Variants in PTPRT observed in about 807,000 individuals in gnomAD.
PTPRT encodes protein tyrosine phosphatase receptor type T, also known as receptor-type tyrosine-protein phosphatase T.
PTPRT carries 56 observed loss-of-function variants against 176.8 expected under a neutral mutation model. The ratio of observed to expected loss-of-function variants is 0.32; its 90% confidence interval spans 0.26 to 0.40. The LOEUF (loss-of-function observed/expected upper bound fraction) is 0.40. PTPRT is among the 10% of genes least tolerant of loss of function. The pLI, the probability that PTPRT is intolerant of heterozygous loss-of-function variation, is 1.00. For synonymous variants in PTPRT, 783 were observed against 739.0 expected (o/e 1.06, Z -0.96); for missense variants, 1,540 against 1,908.2 (o/e 0.81, Z 3.60).
chr20:42,320,706 C>T (rs2057788381), intron 11 of PTPRT, among the ~76,000 whole-genome samples: 1 of 152,100 alleles, frequency 6.6e-6, no homozygotes, highest in African/African-American at 2.4e-5. Flanking sequence ...CAGGCAAAGT[C>T]CCAGTCTTAG....
chr20:42,556,862 A>G (rs983141359), intron 7 of PTPRT, among the ~76,000 whole-genome samples: 2 of 152,154 alleles, frequency 1.3e-5, no homozygotes, highest in South Asian at 2.1e-4. Context: ...GCCAGATTCA[A>G]TGTTCATGAG....
intron 18 of PTPRT, among the ~76,000 whole-genome samples, chr20:42,136,380 G>A (rs1423511690): frequency 6.6e-6 from 1 of 151,930 alleles, no homozygotes; most frequent in Non-Finnish European, 1.5e-5. Flanking sequence ...AGGTAATTCT[G>A]CTGAGACTGC....
intron 3 of PTPRT, among the ~76,000 whole-genome samples, chr20:42,780,751 T>C (rs2077202584): frequency 6.6e-6 from 1 of 152,168 alleles, no homozygotes; most frequent in Non-Finnish European, 1.5e-5. Flanking sequence ...TGATTCTACA[T>C]TGCCAAGGAA....
intron 2 of PTPRT, among the ~76,000 whole-genome samples, chr20:42,821,508 G>A (rs996069645): frequency 1.3e-5 from 2 of 152,126 alleles, no homozygotes; most frequent in African/African-American, 4.8e-5. Context: ...GTACAGACAA[G>A]GATGCCTCCT....
chr20:42,155,876 G>A (rs1989328519), intron 17 of PTPRT, among the ~76,000 whole-genome samples: 1 of 152,170 alleles, frequency 6.6e-6, no homozygotes, highest in African/African-American at 2.4e-5. Flanking sequence ...GATCTAAAAT[G>A]CAAATCTACT....
At position 42,113,809 on chromosome 20, in the gene PTPRT, T is replaced by C. The variant is rs142899758; in HGVS notation, c.3099+1390A>G. ...CTAAAAAACCTGACCTAAGGCAACATTGAAGTACCGATGGTTTCCTTCCTC... is the reference window on the plus strand; with the variant it reads ...CTAAAAAACCTGACCTAAGGCAACACTGAAGTACCGATGGTTTCCTTCCTC... On this transcript the variant is annotated intron_variant, in intron 22 of 30. Transcript: ENST00000373187. Among the ~76,000 whole-genome samples, 53 of 152,360 alleles carry C rather than the reference T, an allele frequency of 3.5e-4. 1 individual carries two copies. The highest frequency in any genetic ancestry group is 1.2e-3 in the African/African-American group (48 of 41,592).
intron 1 of PTPRT, among the ~76,000 whole-genome samples, chr20:42,937,722 A>T (rs1314363080): frequency 1.3e-5 from 2 of 152,218 alleles, no homozygotes; most frequent in Admixed American, 6.5e-5. Context: ...ATACTCTGTG[A>T]ATCACACTTG....
chr20:42,654,559 T>A (rs1466884260), intron 7 of PTPRT, among the ~76,000 whole-genome samples: 1 of 151,908 alleles, frequency 6.6e-6, no homozygotes, highest in Non-Finnish European at 1.5e-5. Flanking sequence ...AGCGAAAGAG[T>A]TATCTCTTTG....
intron 1 of PTPRT, among the ~76,000 whole-genome samples, chr20:43,062,516 C>T (rs1987509878): frequency 6.6e-6 from 1 of 152,224 alleles, no homozygotes; most frequent in Non-Finnish European, 1.5e-5. Flanking sequence ...CTCTACTTCA[C>T]TTCGCTGGGA....
intron 1 of PTPRT, among the ~76,000 whole-genome samples, chr20:43,151,656 G>A (rs2014359025): frequency 6.6e-6 from 1 of 152,032 alleles, no homozygotes; most frequent in Non-Finnish European, 1.5e-5. Context: ...GAGGTCAGGA[G>A]TTTGAGACCA....
At chr20:42,201,750 A>C (rs1047558089) in intron 15 of PTPRT, among the ~76,000 whole-genome samples, 1 of 151,704 alleles carries the variant, frequency 6.6e-6, no homozygotes, top group African/African-American at 2.4e-5. Flanking sequence ...AAAAAAAAAA[A>C]AAAATGCCCT....
chr20:42,732,584 G>A (rs779299027), intron 6 of PTPRT, among the ~76,000 whole-genome samples: 4 of 152,248 alleles, frequency 2.6e-5, no homozygotes, highest in Non-Finnish European at 4.4e-5. Context: ...GAAGGGGCAG[G>A]CATAGAACAA....
intron 2 of PTPRT, among the ~76,000 whole-genome samples, chr20:42,815,578 A>G (rs1039670413): frequency 1.7e-4 from 26 of 152,234 alleles, no homozygotes; most frequent in African/African-American, 6.3e-4. Context: ...AGGTTCATCC[A>G]AGCCTGATAT....
rs5841476 is a variant in PTPRT, at chr20:42,867,683, CTTTTTT to C, written c.214+18118_214+18123del. 1.8e-3 allele frequency among the ~76,000 whole-genome samples: 209 copies of C among 113,398 alleles called. 1 individual carries two copies. The highest frequency in any genetic ancestry group is 7.4e-3 in the African/African-American group (203 of 27,432). 74.4% of individuals were successfully genotyped at this position (113,398 alleles called of 152,430 possible). On this transcript the variant is annotated intron_variant, in intron 2 of 30. Coordinates refer to ENST00000373187, the MANE Select transcript of PTPRT (RefSeq NM_007050.6). ...ATAAATTTAAAAATTTACATATGGC[CTTTTTT>C]TTTTTTTTTTTTGTGACAGAGTCAC... is the stretch of plus-strand genomic sequence containing the variant.
intron 15 of PTPRT, among the ~76,000 whole-genome samples, chr20:42,232,657 C>A (rs543917952): frequency 7.0e-6 from 1 of 141,898 alleles, no homozygotes; most frequent in Admixed American, 6.7e-5. Flanking sequence ...GTTCCCTGTC[C>A]CCAAACACCT....
intron 3 of PTPRT, among the ~76,000 whole-genome samples, chr20:42,789,066 G>A (rs2077335379): frequency 6.6e-6 from 1 of 152,166 alleles, no homozygotes; most frequent in Non-Finnish European, 1.5e-5. Flanking sequence ...TTGTGTATAT[G>A]TATCCACTTC....
chr20:43,090,873 T>TGAAG (rs2011816506), intron 1 of PTPRT, among the ~76,000 whole-genome samples: 1 of 151,300 alleles, frequency 6.6e-6, no homozygotes, highest in South Asian at 2.1e-4. Context: ...TTCACAGAAA[T>TGAAG]GAAGAAAGAA....
chr20:42,038,450 G>A, the PTPRT span, among the ~76,000 whole-genome samples: 1 of 152,182 alleles, frequency 6.6e-6, no homozygotes, highest in Non-Finnish European at 1.5e-5. Flanking sequence ...AGGCAATTGT[G>A]GAGAAGTTGG....
intron 7 of PTPRT, among the ~76,000 whole-genome samples, chr20:42,610,758 C>G (rs1338196484): frequency 1.3e-5 from 2 of 152,128 alleles, no homozygotes; most frequent in South Asian, 4.1e-4. Flanking sequence ...AGTGAATTAT[C>G]GTATATTCAC....
Sources: gnomAD v4.1 joint callset for allele counts (sites outside exome capture counted in the v4.1 genomes callset) on GRCh38, gnomAD v4.1.1 for gene constraint, MANE v1.5 for transcripts, NCBI Gene and HGNC (gene_info 2026-07-23, HGNC 2026-07-21) for gene names.